ARL8B: variants seen among roughly 807,000 people sequenced by gnomAD.
ARL8B encodes ARF like GTPase 8B.
A neutral mutation model predicts 30.6 loss-of-function variants in ARL8B; 9 were observed. The ratio of observed to expected loss-of-function variants is 0.29; its 90% confidence interval spans 0.18 to 0.51. The LOEUF is 0.51. Among genes scored for constraint, ARL8B ranks in the 20% least tolerant of loss-of-function variants. The pLI is 0.97. For synonymous variants in ARL8B, 74 were observed against 76.0 expected, an observed-to-expected ratio of 0.97 and a Z score of 0.14; for missense variants, 130 against 227.2, an observed-to-expected ratio of 0.57 and a Z score of 2.75.
chr3:5,150,524 T>C (rs1307985833), intron 1 of ARL8B, among the ~76,000 whole-genome samples: 1 of 151,348 alleles, frequency 6.6e-6, no homozygotes, highest in Admixed American at 6.6e-5. Flanking sequence ...GGCTCACATC[T>C]GTAATCCCAG....
In ARL8B at chr3:5,174,028, T is replaced by C. The variant is rs1377573882; in HGVS notation, c.384T>C (p.Leu128=). ...PQLQGIPVLV[L]GNKRDLPNAL... is the part of the protein sequence containing the mutation. ...TTTTCTTTTTAAAGGTGCTAGTGCT[T>C]GGAAACAAGAGAGATCTTCCTAATG... Residue 128 remains leucine, a synonymous_variant, in exon 5 of 7, where the codon CTT becomes CTC. Transcript: ENST00000256496. 4 of 1,612,454 alleles carry C rather than the reference T, an allele frequency of 2.5e-6. No individual in the cohort carries two copies. The South Asian group carries it at 4.4e-5, about 18-fold the overall frequency.
chr3:5,152,905 T>C (rs1234175516), intron 1 of ARL8B, among the ~76,000 whole-genome samples: 1 of 152,242 alleles, frequency 6.6e-6, no homozygotes, highest in Non-Finnish European at 1.5e-5. Context: ...ATTATTGATA[T>C]TTAAGACTTA....
chr3:5,143,506 G>C (rs1020738701), intron 1 of ARL8B, among the ~76,000 whole-genome samples: 1 of 152,164 alleles, frequency 6.6e-6, no homozygotes, highest in Non-Finnish European at 1.5e-5. Flanking sequence ...AGGTCCTCCC[G>C]TAGCACAGGT....
intron 1 of ARL8B, among the ~76,000 whole-genome samples, chr3:5,147,351 C>T (rs961556836): frequency 5.9e-5 from 9 of 152,212 alleles, no homozygotes; most frequent in Non-Finnish European, 1.2e-4. Flanking sequence ...GACATGAACT[C>T]ATCCTTTTTT....
chr3:5,122,641 C>T lies in ARL8B; in HGVS notation c.123+53C>T, dbSNP rs543512493. The stretch of plus-strand genomic sequence containing the variant: ...GGGCTCCGCAGCCAGGAGTCCGGCC[C>T]GGCGCTTCTCCAAGGCCTGAGTTGG... On this transcript the variant is annotated intron_variant, in intron 1 of 6. Transcript: ENST00000256496. 28 of 1,554,272 alleles carry T rather than the reference C, an allele frequency of 1.8e-5. No individual in the cohort carries two copies. In the South Asian group the frequency reaches 2.4e-4, roughly 13 times the overall value.
At chr3:5,157,078 G>A (rs896277587) in intron 1 of ARL8B, 1 of 152,228 alleles carries the variant, frequency 6.6e-6, no homozygotes, top group Non-Finnish European at 1.5e-5. Context: ...AGTTAACTCA[G>A]TTTAGGCCAC....
intron 1 of ARL8B, among the ~76,000 whole-genome samples, chr3:5,168,871 G>A (rs1014072905): frequency 2.0e-5 from 3 of 152,134 alleles, no homozygotes; most frequent in Non-Finnish European, 2.9e-5. Flanking sequence ...TCTTCATTAT[G>A]TAAAACACTT....
At chr3:5,167,718 G>C (rs573981324) in intron 1 of ARL8B, among the ~76,000 whole-genome samples, 1 of 152,206 alleles carries the variant, frequency 6.6e-6, no homozygotes, top group Non-Finnish European at 1.5e-5. Flanking sequence ...GCTGATGAAT[G>C]TTAAGTGCTT....
At chr3:5,149,107 T>C (rs1366023144) in intron 1 of ARL8B, among the ~76,000 whole-genome samples, 3 of 152,238 alleles carry the variant, frequency 2.0e-5, no homozygotes, top group Non-Finnish European at 1.5e-5. Flanking sequence ...ATATCTAAGA[T>C]ACATCTCAGT....
chr3:5,133,664 G>A (rs1316485460), intron 1 of ARL8B, among the ~76,000 whole-genome samples: 1 of 152,184 alleles, frequency 6.6e-6, no homozygotes, highest in Non-Finnish European at 1.5e-5. Context: ...GGTGGCTCAT[G>A]CCAGTAACCC....
intron 1 of ARL8B, among the ~76,000 whole-genome samples, chr3:5,135,037 C>T (rs928586285): frequency 3.3e-5 from 5 of 152,146 alleles, no homozygotes; most frequent in Admixed American, 6.5e-5. Context: ...TTGGTAGACA[C>T]AGGGTTTCGC....
chr3:5,173,967 TG>T, intron 4 of ARL8B, 49 bp from the exon 5 acceptor site: 1 of 1,336,808 alleles, frequency 7.5e-7, no homozygotes, highest in Non-Finnish European at 1.1e-6. Flanking sequence ...TAAACTTCTG[TG>T]ACTTTTTCTT....
At chr3:5,159,602 C>CAAAAAAAAAAAAAAAAAAAAAAAAAAAA in intron 1 of ARL8B, among the ~76,000 whole-genome samples, 1 of 77,062 alleles carries the variant, frequency 1.3e-5, no homozygotes, top group Non-Finnish European at 2.6e-5. Flanking sequence ...AACTCCGTCT[C>CAAAAAAAAAAAAAAAAAAAAAAAAAAAA]AAAAAAAAAA....
chr3:5,132,687 TACTG>T (rs892236026), intron 1 of ARL8B, among the ~76,000 whole-genome samples: 4 of 152,200 alleles, frequency 2.6e-5, no homozygotes, highest in East Asian at 3.8e-4. Context: ...GCTCTTTAAA[TACTG>T]AATGAATGAA....
intron 1 of ARL8B, among the ~76,000 whole-genome samples, chr3:5,158,272 C>T (rs768207190): frequency 5.9e-5 from 9 of 152,158 alleles, no homozygotes; most frequent in African/African-American, 1.4e-4. Flanking sequence ...GTGTGAGCCA[C>T]GCGCCCAGCC....
At chr3:5,139,486 A>G (rs192923183) in intron 1 of ARL8B, among the ~76,000 whole-genome samples, 29 of 152,342 alleles carry the variant, frequency 1.9e-4, no homozygotes, top group Admixed American at 1.5e-3. Context: ...ATTATATGCT[A>G]TAATCCTTGG....
chr3:5,130,398 C>T (rs1181179717), intron 1 of ARL8B, among the ~76,000 whole-genome samples: 1 of 152,100 alleles, frequency 6.6e-6, no homozygotes. Flanking sequence ...ATCCCCTTTA[C>T]TTATCATGCT....
chr3:5,156,153 T>G (rs2054531357), intron 1 of ARL8B, among the ~76,000 whole-genome samples: 2 of 152,164 alleles, frequency 1.3e-5, no homozygotes, highest in Admixed American at 6.5e-5. Context: ...TCTGCCTGCC[T>G]CAGCCTCCCA....
chr3:5,170,993 A>T (rs954730238), intron 2 of ARL8B: 2 of 153,434 alleles, frequency 1.3e-5, no homozygotes, highest in African/African-American at 4.8e-5. Flanking sequence ...GGCCTCCCCA[A>T]AGTGCTGGGA....
Sources: allele counts gnomAD v4.1 joint callset (sites outside exome capture counted in the v4.1 genomes callset), GRCh38; gene constraint gnomAD v4.1.1; transcripts MANE v1.5; gene names NCBI Gene and HGNC (gene_info 2026-07-23, HGNC 2026-07-21).